The following SNX29 variants were observed in gnomAD, a reference collection of about 807,000 sequenced individuals.
SNX29 encodes the protein sorting nexin 29.
Under a neutral mutation model 102.1 loss-of-function variants are expected in SNX29, and 78 were observed. That is an observed-to-expected ratio of 0.76 (90% CI 0.64 to 0.92). The LOEUF (loss-of-function observed/expected upper bound fraction) is 0.92, where lower values mean the gene tolerates loss of function less well. SNX29 is among the 40% of genes least tolerant of loss of function. SNX29 has a pLI of 0.00. For missense variants in SNX29, 1,280 were observed against 1,061.7 expected (o/e 1.21, Z -2.86); for synonymous variants, 580 against 414.5 (o/e 1.40, Z -4.85).
intron 16 of SNX29, among the ~76,000 whole-genome samples, chr16:12,381,712 G>A (rs559093196): frequency 1.6e-3 from 31 of 19,052 alleles, no homozygotes; most frequent in Non-Finnish European, 2.6e-3. Flanking sequence ...CCCACCCATC[G>A]TCCATCCACC....
intron 8 of SNX29, among the ~76,000 whole-genome samples, chr16:12,059,786 G>C (rs770435094): frequency 6.6e-6 from 1 of 152,184 alleles, no homozygotes; most frequent in African/African-American, 2.4e-5. Context: ...TGATTTTAGA[G>C]TAGCTCTAAC....
intron 15 of SNX29, among the ~76,000 whole-genome samples, chr16:12,319,287 C>T (rs1467399559): frequency 1.3e-5 from 2 of 152,096 alleles, no homozygotes; most frequent in African/African-American, 2.4e-5. Context: ...GGATCATTTG[C>T]GGCCAGGAGT....
At chr16:12,275,902 T>G (rs111713725) in intron 14 of SNX29, among the ~76,000 whole-genome samples, 1,750 of 78,120 alleles carry the variant, frequency 0.022, 36 homozygotes, top group East Asian at 0.13. Context: ...TTTTTTTTTT[T>G]GGGGGGCGTG....
intron 16 of SNX29, chr16:12,374,874 T>C (rs1230347853): frequency 6.6e-6 from 1 of 152,222 alleles, no homozygotes; most frequent in Non-Finnish European, 1.5e-5. Flanking sequence ...CATTTGGCTT[T>C]CATCAGATCC....
chr16:12,348,296 G>C (rs569762725), intron 15 of SNX29, among the ~76,000 whole-genome samples: 1 of 152,304 alleles, frequency 6.6e-6, no homozygotes, highest in East Asian at 1.9e-4. Flanking sequence ...GCCTTCACCT[G>C]AAGCAGAAAC....
At chr16:12,539,502 C>G (rs1019020964) in intron 20 of SNX29, among the ~76,000 whole-genome samples, 1 of 152,116 alleles carries the variant, frequency 6.6e-6, no homozygotes, top group African/African-American at 2.4e-5. Context: ...AATAAAGTTG[C>G]GTTGGTTCCA....
At chr16:12,133,294 T>TTTG (rs2054540711) in intron 13 of SNX29, among the ~76,000 whole-genome samples, 2 of 138,386 alleles carry the variant, frequency 1.4e-5, no homozygotes, top group African/African-American at 5.3e-5. Flanking sequence ...TTTTTTTTTT[T>TTTG]TTTTTTTTTT....
intron 16 of SNX29, among the ~76,000 whole-genome samples, chr16:12,379,846 G>A (rs763737750): frequency 2.0e-5 from 3 of 152,184 alleles, no homozygotes; most frequent in Non-Finnish European, 4.4e-5. Context: ...CTGCCCAGCA[G>A]TGATGAGACT....
At chr16:11,999,222 G>A (rs2056198896) in intron 1 of SNX29, 75 bp from the exon 2 acceptor site, 1 of 1,358,738 alleles carries the variant, frequency 7.4e-7, no homozygotes, top group Non-Finnish European at 1.0e-6. Flanking sequence ...AAGATCAGTA[G>A]GAAAGGACTG....
In SNX29 at chr16:11,999,279, A is replaced by G. The variant is rs752132406; in HGVS notation, c.8-18A>G. On this transcript the variant is annotated intron_variant, in intron 1 of 20. Transcript: ENST00000566228. ...TCCGAGCGTCAGAGAGAACTAATTAAGCCTCATTGCATTTTAGGATCACAG... is the reference window on the plus strand; with the variant it reads ...TCCGAGCGTCAGAGAGAACTAATTAGGCCTCATTGCATTTTAGGATCACAG... 27 of 1,613,682 alleles carry G rather than the reference A, an allele frequency of 1.7e-5. No individual in the cohort carries two copies. Among genetic ancestry groups the G allele is most frequent in the Non-Finnish European group, 2.1e-5 (25 of 1,179,752 alleles).
intron 19 of SNX29, among the ~76,000 whole-genome samples, chr16:12,482,563 A>T (rs942373538): frequency 6.6e-6 from 1 of 152,054 alleles, no homozygotes. Flanking sequence ...CAGCCACCCA[A>T]AGTGCTGGGA....
intron 13 of SNX29, among the ~76,000 whole-genome samples, chr16:12,157,627 C>G (rs539012493): frequency 6.6e-6 from 1 of 152,280 alleles, no homozygotes; most frequent in South Asian, 2.1e-4. Context: ...GCTTGATTTT[C>G]TGCATTTTTC....
chr16:12,495,734 C>T (rs1421025085), intron 19 of SNX29, among the ~76,000 whole-genome samples: 5 of 152,092 alleles, frequency 3.3e-5, no homozygotes, highest in African/African-American at 1.2e-4. Context: ...CTGGGAGTCT[C>T]CTGTGAGGGG....
At chr16:12,195,903 T>C (rs1019286264) in intron 13 of SNX29, among the ~76,000 whole-genome samples, 1 of 151,572 alleles carries the variant, frequency 6.6e-6, no homozygotes, top group Non-Finnish European at 1.5e-5. Flanking sequence ...ATGGAGAGGC[T>C]GAAGTGAACT....
intron 14 of SNX29, among the ~76,000 whole-genome samples, chr16:12,204,692 A>G (rs2077001862): frequency 6.6e-6 from 1 of 152,212 alleles, no homozygotes; most frequent in Non-Finnish European, 1.5e-5. Flanking sequence ...GAGCAATTTA[A>G]AAAGTTTGTT....
intron 3 of SNX29, among the ~76,000 whole-genome samples, chr16:12,025,058 T>C (rs2057149105): frequency 6.6e-6 from 1 of 151,950 alleles, no homozygotes; most frequent in Non-Finnish European, 1.5e-5. Context: ...TCCCAGCACT[T>C]TGGGAGGCCA....
chr16:12,247,951 G>A (rs1042235995), intron 14 of SNX29, among the ~76,000 whole-genome samples: 2 of 152,094 alleles, frequency 1.3e-5, no homozygotes, highest in East Asian at 1.9e-4. Flanking sequence ...AATTACCATG[G>A]AACAAGGGCA....
At chr16:12,561,101 G>C (rs2078700244) in intron 20 of SNX29, 1 of 226,640 alleles carries the variant, frequency 4.4e-6, no homozygotes, top group African/African-American at 2.2e-5. Flanking sequence ...AGTGGAATTA[G>C]ATTTCACGGG....
chr16:12,379,265 T>C lies in SNX29; in HGVS notation c.1900-19181T>C, dbSNP rs148187655. Among the ~76,000 whole-genome samples, 32 of 152,338 alleles carry C rather than the reference T, an allele frequency of 2.1e-4. 1 individual carries two copies. The highest frequency in any genetic ancestry group is 7.2e-4 in the Admixed American group (11 of 15,306). ...TATCCTCCCACTTCAGGCTCCTAAA[T>C]AGCTGTGACCATGCCTGGCTAATTA... On this transcript the variant is annotated intron_variant, in intron 16 of 20. Transcript: ENST00000566228.
Sources: allele counts gnomAD v4.1 joint callset (sites outside exome capture counted in the v4.1 genomes callset), GRCh38; gene constraint gnomAD v4.1.1; transcripts MANE v1.5; gene names NCBI Gene and HGNC (gene_info 2026-07-23, HGNC 2026-07-21).